DLGAP4: variants seen among roughly 807,000 people sequenced by gnomAD.
DLGAP4 encodes DLG associated protein 4.
A neutral mutation model predicts 86.9 loss-of-function variants in DLGAP4; 18 were observed. That is an observed-to-expected ratio of 0.21 (90% CI 0.14 to 0.31). The LOEUF (loss-of-function observed/expected upper bound fraction) is 0.31, where lower values mean the gene tolerates loss of function less well. Among genes scored for constraint, DLGAP4 ranks in the 10% least tolerant of loss-of-function variants. DLGAP4 has a pLI of 1.00. For synonymous variants in DLGAP4, 548 were observed against 574.3 expected (o/e 0.95, Z 0.65); for missense variants, 1,085 against 1,362.6 (o/e 0.80, Z 3.21).
intron 7 of DLGAP4, chr20:36,462,643 G>T (rs1274022755): frequency 6.4e-7 from 1 of 1,559,270 alleles, no homozygotes; most frequent in East Asian, 2.5e-5. Context: ...TGGCCCGCAG[G>T]CTGGCCGCGG....
chr20:36,462,783 C>T (rs2034158181), intron 7 of DLGAP4, among the ~76,000 whole-genome samples: 1 of 152,222 alleles, frequency 6.6e-6, no homozygotes, highest in Admixed American at 6.5e-5. Flanking sequence ...GGGGGCCTTC[C>T]TGCTCTGAGG....
intron 11 of DLGAP4, 111 bp downstream of exon 11, chr20:36,524,452 G>T: frequency 1.1e-6 from 1 of 877,262 alleles, no homozygotes; most frequent in Non-Finnish European, 1.7e-6. Context: ...CACACAGCGC[G>T]GCTTCCTCAT....
intron 2 of DLGAP4, among the ~76,000 whole-genome samples, chr20:36,419,863 G>A (rs902045785): frequency 3.9e-5 from 6 of 152,198 alleles, no homozygotes; most frequent in East Asian, 3.9e-4. Flanking sequence ...TGGTGACACC[G>A]GTCAACCCTG....
chr20:36,316,754 G>C (rs2065104016), intron 1 of DLGAP4, among the ~76,000 whole-genome samples: 1 of 152,122 alleles, frequency 6.6e-6, no homozygotes, highest in African/African-American at 2.4e-5. Flanking sequence ...GAGAAGCTGG[G>C]TCACCCAGGG....
intron 7 of DLGAP4, among the ~76,000 whole-genome samples, chr20:36,454,215 C>T (rs1472711603): frequency 1.4e-5 from 2 of 147,222 alleles, no homozygotes; most frequent in East Asian, 2.0e-4. Flanking sequence ...GCCAAGATCG[C>T]ACTATTACAC....
At chr20:36,318,006 C>G (rs1425774437) in intron 1 of DLGAP4, among the ~76,000 whole-genome samples, 1 of 152,080 alleles carries the variant, frequency 6.6e-6, no homozygotes, top group Admixed American at 6.6e-5. Context: ...AGCCTCTATT[C>G]TACCCTGAAT....
chr20:36,497,084 ACT>A lies in DLGAP4; in HGVS notation c.2010+21_2010+22del. 3 of 1,571,178 alleles carry A rather than the reference ACT, an allele frequency of 1.9e-6. No individual in the cohort carries two copies. Among genetic ancestry groups the A allele is most frequent in the Non-Finnish European group, 2.6e-6 (3 of 1,155,816 alleles). ...GAATACAAGTAGGGGCTCCTTTTGC[ACT>A]CTGTGTCCTCAGCCCACTCCGTGCA... On this transcript the variant is annotated intron_variant, in intron 8 of 12. Transcript: ENST00000339266.
chr20:36,462,880 G>T (rs762722974), intron 7 of DLGAP4, among the ~76,000 whole-genome samples: 1 of 152,230 alleles, frequency 6.6e-6, no homozygotes, highest in Non-Finnish European at 1.5e-5. Flanking sequence ...GGCACTTTGT[G>T]ATCGCTTGTG....
At chr20:36,489,856 T>C (rs953692923) in intron 7 of DLGAP4, among the ~76,000 whole-genome samples, 6 of 99,602 alleles carry the variant, frequency 6.0e-5, no homozygotes, top group African/African-American at 2.1e-4. Flanking sequence ...CTAATTCTTC[T>C]TTTTTTTTTT....
chr20:36,427,809 G>A (rs1276739755), intron 2 of DLGAP4, among the ~76,000 whole-genome samples: 1 of 151,930 alleles, frequency 6.6e-6, no homozygotes, highest in Non-Finnish European at 1.5e-5. Flanking sequence ...TGGGCGTGGT[G>A]GTGCGTGCCT....
At chr20:36,380,299 A>G (rs1274341035) in intron 2 of DLGAP4, among the ~76,000 whole-genome samples, 1 of 151,718 alleles carries the variant, frequency 6.6e-6, no homozygotes, top group Non-Finnish European at 1.5e-5. Flanking sequence ...AGTCCCAGCT[A>G]CCTGGGGGGC....
intron 1 of DLGAP4, among the ~76,000 whole-genome samples, chr20:36,343,632 C>T (rs1297431496): frequency 6.6e-6 from 1 of 152,204 alleles, no homozygotes; most frequent in Admixed American, 6.5e-5. Flanking sequence ...CCCCCCCAAC[C>T]CCCCGTTGGG....
intron 2 of DLGAP4, among the ~76,000 whole-genome samples, chr20:36,372,142 G>A (rs1049517963): frequency 1.3e-5 from 2 of 152,196 alleles, no homozygotes; most frequent in Admixed American, 6.5e-5. Flanking sequence ...GCGTCCGAGG[G>A]TAGGTGTGGG....
intron 2 of DLGAP4, among the ~76,000 whole-genome samples, chr20:36,397,812 G>C (rs937200724): frequency 6.6e-6 from 1 of 152,144 alleles, no homozygotes; most frequent in Non-Finnish European, 1.5e-5. Context: ...GTTGAGATTG[G>C]CTTTGCAGCT....
At chr20:36,323,433 G>A (rs1049636815) in intron 1 of DLGAP4, among the ~76,000 whole-genome samples, 1 of 152,104 alleles carries the variant, frequency 6.6e-6, no homozygotes, top group Non-Finnish European at 1.5e-5. Context: ...GTGTGTATTG[G>A]TAAGTTTTCT....
At chr20:36,397,448 A>T (rs1261198627) in intron 2 of DLGAP4, among the ~76,000 whole-genome samples, 1 of 152,156 alleles carries the variant, frequency 6.6e-6, no homozygotes, top group Non-Finnish European at 1.5e-5. Context: ...GCCATAAGGG[A>T]GGCATATGTG....
At chr20:36,364,536 C>T (rs1198596753) in intron 1 of DLGAP4, among the ~76,000 whole-genome samples, 2 of 152,184 alleles carry the variant, frequency 1.3e-5, no homozygotes, top group Non-Finnish European at 2.9e-5. Flanking sequence ...AGAAACCCCA[C>T]ACCCCTTAGC....
intron 10 of DLGAP4, chr20:36,508,419 G>GTTTTT (rs1569523131): frequency 7.4e-6 from 1 of 134,604 alleles, no homozygotes; most frequent in African/African-American, 3.0e-5. Flanking sequence ...ATGTTTCAGG[G>GTTTTT]TTCTTTTTTT....
At chr20:36,349,897 C>A (rs782086269) in intron 1 of DLGAP4, among the ~76,000 whole-genome samples, 1 of 152,168 alleles carries the variant, frequency 6.6e-6, no homozygotes, top group African/African-American at 2.4e-5. Context: ...AGCATCGCCG[C>A]GTCCCAGGGG....
Sources: gnomAD v4.1 joint callset for allele counts (sites outside exome capture counted in the v4.1 genomes callset) on GRCh38, gnomAD v4.1.1 for gene constraint, MANE v1.5 for transcripts, NCBI Gene and HGNC (gene_info 2026-07-23, HGNC 2026-07-21) for gene names.